CCNY: variants seen among roughly 807,000 people sequenced by gnomAD.
CCNY encodes cyclin Y.
In CCNY, 19 loss-of-function variants were observed where a neutral mutation model predicts 42.8. The observed-to-expected ratio is 0.44, with a 90% confidence interval of 0.31 to 0.65. The LOEUF (loss-of-function observed/expected upper bound fraction) is 0.65. Ranked by LOEUF, CCNY falls within the 30% of genes least tolerant of loss-of-function variation. CCNY has a pLI of 0.07. For missense variants in CCNY, 370 were observed against 437.3 expected, an observed-to-expected ratio of 0.85 and a Z score of 1.37; for synonymous variants, 165 against 162.7, an observed-to-expected ratio of 1.01 and a Z score of -0.11.
intron 1 of CCNY, among the ~76,000 whole-genome samples, chr10:35,479,838 A>G (rs148792684): frequency 2.6e-5 from 4 of 152,246 alleles, no homozygotes; most frequent in East Asian, 1.9e-4. Context: ...ACCTCATGGT[A>G]AACATTGGGG....
chr10:35,410,760 C>CT (rs1837885781), intron 1 of CCNY, among the ~76,000 whole-genome samples: 1 of 152,226 alleles, frequency 6.6e-6, no homozygotes, highest in African/African-American at 2.4e-5. Context: ...CACCAGAGCT[C>CT]TGCTTCTCAA....
intron 1 of CCNY, among the ~76,000 whole-genome samples, chr10:35,357,284 G>T (rs796982872): frequency 2.6e-4 from 38 of 144,678 alleles, no homozygotes; most frequent in African/African-American, 9.6e-4. Context: ...TTATTTGCCT[G>T]TTGCTTGTGT....
At chr10:35,533,649 C>G (rs762888282) in intron 7 of CCNY, among the ~76,000 whole-genome samples, 16 of 152,220 alleles carry the variant, frequency 1.1e-4, no homozygotes, top group Non-Finnish European at 1.5e-4. Context: ...TCTGAAGTTG[C>G]AACCTCCCTC....
chr10:35,554,938 AC>A (rs1417412879), intron 8 of CCNY, among the ~76,000 whole-genome samples: 1 of 152,222 alleles, frequency 6.6e-6, no homozygotes, highest in Non-Finnish European at 1.5e-5. Context: ...TCCTTAACCC[AC>A]CAGGTTTAAT....
intron 1 of CCNY, among the ~76,000 whole-genome samples, chr10:35,392,425 TA>T (rs1837433945): frequency 6.6e-6 from 1 of 152,118 alleles, no homozygotes; most frequent in African/African-American, 2.4e-5. Context: ...TAAATGCTAT[TA>T]AAAAAATAAT....
At chr10:35,567,883 C>T (rs1393055996) in intron 9 of CCNY, among the ~76,000 whole-genome samples, 3 of 152,202 alleles carry the variant, frequency 2.0e-5, no homozygotes, top group Non-Finnish European at 4.4e-5. Flanking sequence ...CAGTTATCAT[C>T]TATTCGAGGA....
intron 3 of CCNY, chr10:35,289,401 G>C (rs1835387332): frequency 1.3e-5 from 2 of 151,898 alleles, no homozygotes; most frequent in Admixed American, 6.6e-5. Flanking sequence ...CATCATCTAG[G>C]CCCTCCAGAA....
At chr10:35,535,335 CA>C (rs1278863636) in intron 7 of CCNY, among the ~76,000 whole-genome samples, 1 of 152,002 alleles carries the variant, frequency 6.6e-6, no homozygotes, top group Non-Finnish European at 1.5e-5. Context: ...AGGAGCACGG[CA>C]CCAGGGAGTG....
At chr10:35,268,060 G>C (rs2095727407) in intron 3 of CCNY, among the ~76,000 whole-genome samples, 1 of 152,062 alleles carries the variant, frequency 6.6e-6, no homozygotes, top group African/African-American at 2.4e-5. Context: ...AAGTAGCTGG[G>C]ATTATAAGCA....
In CCNY at chr10:35,569,416, A is replaced by G. The variant is rs1179722547; in HGVS notation, c.*246A>G. The G allele has an allele frequency of 1.9e-6, 1 of 520,080 alleles. No homozygotes were observed. Among genetic ancestry groups the G allele is most frequent in the Non-Finnish European group, 3.5e-6 (1 of 287,752 alleles). The allele number at this position is 520,080 out of a possible 1,614,324, so 32.2% of individuals were successfully genotyped here. ...TCCTTCGTGGAGGAAGTGGACTCGA[A>G]TCCTGGAGGAGGAAATAAAGGGAAA... On this transcript the variant is annotated 3_prime_UTR_variant, in exon 10 of 10. Coordinates refer to ENST00000374704, the MANE Select transcript of CCNY (RefSeq NM_145012.6).
chr10:35,485,319 GT>G (rs1239056240), intron 2 of CCNY, among the ~76,000 whole-genome samples: 1 of 152,218 alleles, frequency 6.6e-6, no homozygotes, highest in African/African-American at 2.4e-5. Context: ...CAAGAATTCC[GT>G]GCTTTTTAAA....
intron 3 of CCNY, among the ~76,000 whole-genome samples, chr10:35,505,856 A>G (rs940558342): frequency 6.6e-6 from 1 of 152,208 alleles, no homozygotes; most frequent in African/African-American, 2.4e-5. Context: ...GGAGGAGTAT[A>G]TTCTGTTCAG....
At chr10:35,494,266 A>ATT (rs886392518) in intron 2 of CCNY, among the ~76,000 whole-genome samples, 1 of 134,150 alleles carries the variant, frequency 7.5e-6, no homozygotes, top group Non-Finnish European at 1.6e-5. Context: ...AAAAATAAAG[A>ATT]TTTTTTTTTT....
At chr10:35,478,779 A>G (rs1414607653) in intron 1 of CCNY, among the ~76,000 whole-genome samples, 1 of 152,240 alleles carries the variant, frequency 6.6e-6, no homozygotes, top group Non-Finnish European at 1.5e-5. Flanking sequence ...AAAAGCCAAA[A>G]TTGACAAATG....
intron 1 of CCNY, among the ~76,000 whole-genome samples, chr10:35,461,984 A>G (rs1458691511): frequency 6.6e-6 from 1 of 151,948 alleles, no homozygotes; most frequent in African/African-American, 2.4e-5. Context: ...CAATATAGTT[A>G]TATTCCAGGC....
chr10:35,472,848 A>G (rs547292993), intron 1 of CCNY, among the ~76,000 whole-genome samples: 1 of 152,346 alleles, frequency 6.6e-6, no homozygotes, highest in East Asian at 1.9e-4. Flanking sequence ...GAAATAGGTC[A>G]TGTAGAATAG....
intron 1 of CCNY, among the ~76,000 whole-genome samples, chr10:35,477,748 C>T (rs1302490373): frequency 4.6e-5 from 7 of 152,056 alleles, no homozygotes; most frequent in African/African-American, 1.7e-4. Context: ...TGCCCTCTCT[C>T]GCCACTCCTA....
At chr10:35,259,183 C>G (rs922311445) in intron 3 of CCNY, among the ~76,000 whole-genome samples, 1 of 152,124 alleles carries the variant, frequency 6.6e-6, no homozygotes, top group East Asian at 1.9e-4. Flanking sequence ...GCTTCCTATT[C>G]GATCATCTTT....
At chr10:35,442,870 T>C (rs1838703644) in intron 1 of CCNY, among the ~76,000 whole-genome samples, 1 of 152,112 alleles carries the variant, frequency 6.6e-6, no homozygotes, top group Admixed American at 6.5e-5. Context: ...CATGAGAGAG[T>C]GTACTTACCC....
Sources: allele counts gnomAD v4.1 joint callset (sites outside exome capture counted in the v4.1 genomes callset), GRCh38; gene constraint gnomAD v4.1.1; transcripts MANE v1.5; gene names NCBI Gene and HGNC (gene_info 2026-07-23, HGNC 2026-07-21).